The following WDR59 variants were observed in gnomAD, a reference collection of about 807,000 sequenced individuals.
The protein encoded by WDR59 is WD repeat domain 59.
A neutral mutation model predicts 131.2 loss-of-function variants in WDR59; 100 were observed. The ratio of observed to expected loss-of-function variants is 0.76; its 90% confidence interval spans 0.65 to 0.90. The LOEUF (loss-of-function observed/expected upper bound fraction) is 0.90, where lower values mean the gene tolerates loss of function less well. Among genes scored for constraint, WDR59 ranks in the 40% least tolerant of loss-of-function variants. The pLI is 0.00. For synonymous variants in WDR59, 601 were observed against 466.2 expected, an observed-to-expected ratio of 1.29 and a Z score of -3.72; for missense variants, 1,203 against 1,262.2, an observed-to-expected ratio of 0.95 and a Z score of 0.71.
chr16:74,883,495 A>C (rs1027450959), intron 25 of WDR59, among the ~76,000 whole-genome samples: 3 of 152,206 alleles, frequency 2.0e-5, no homozygotes, highest in African/African-American at 7.2e-5. Context: ...TGTTACTGCC[A>C]ACATTACTTC....
intron 1 of WDR59, among the ~76,000 whole-genome samples, chr16:74,971,426 CTTTTTTTTTTTTT>C (rs58120924): frequency 2.2e-5 from 2 of 90,186 alleles, no homozygotes; most frequent in Non-Finnish European, 2.0e-5. Context: ...TCTTTCCTTC[CTTTTTTTTTTTTT>C]TTTTTTTTTT....
intron 18 of WDR59, among the ~76,000 whole-genome samples, chr16:74,899,087 A>G (rs1238766119): frequency 6.6e-6 from 1 of 152,230 alleles, no homozygotes; most frequent in Non-Finnish European, 1.5e-5. Context: ...AGGAAGACAG[A>G]AGAGGGGAAA....
In WDR59 at chr16:74,965,414, A is replaced by C. The variant is rs141870895; in HGVS notation, c.104+359T>G. ...GGGGCTCACAGTTAGTGGCACCGTC[A>C]AACTGGAACTCAGATTCCTTCAATC... is the stretch of plus-strand genomic sequence containing the variant. On this transcript the variant is annotated intron_variant, in intron 2 of 25. Coordinates refer to ENST00000262144, the MANE Select transcript of WDR59 (RefSeq NM_030581.4). Among the ~76,000 whole-genome samples the C allele has an allele frequency of 7.4e-4, 112 of 152,280 alleles. No homozygotes were observed. In the East Asian group the frequency reaches 0.016, roughly 22 times the overall value.
intron 25 of WDR59, among the ~76,000 whole-genome samples, chr16:74,877,084 T>C (rs1316449385): frequency 6.6e-6 from 1 of 152,108 alleles, no homozygotes; most frequent in Non-Finnish European, 1.5e-5. Flanking sequence ...TCAAGATAAT[T>C]GATGTGTTCT....
intron 18 of WDR59, among the ~76,000 whole-genome samples, chr16:74,895,822 G>C (rs1210462744): frequency 1.3e-5 from 2 of 152,208 alleles, no homozygotes; most frequent in Non-Finnish European, 2.9e-5. Flanking sequence ...GAGCCAGGCA[G>C]TGTTACTGAC....
chr16:74,950,735 G>C (rs954307734), intron 4 of WDR59, among the ~76,000 whole-genome samples: 4 of 152,160 alleles, frequency 2.6e-5, no homozygotes, highest in Non-Finnish European at 5.9e-5. Flanking sequence ...TGTGACGCAG[G>C]AGCTCTGTAA....
rs1964422257 is a variant in WDR59 at position 74,880,412 on chromosome 16, A to G, written c.2689+5241T>C. Reference sequence around the variant, plus strand: ...CAGTGAGCCGAGATCGCGCCACTGCACTCCAGCCTGGGGGACAGAGTGAGA... The same window carrying G: ...CAGTGAGCCGAGATCGCGCCACTGCGCTCCAGCCTGGGGGACAGAGTGAGA... On this transcript the variant is annotated intron_variant, in intron 25 of 25. Transcript: ENST00000262144. 2.6e-5 allele frequency among the ~76,000 whole-genome samples: 4 copies of G among 152,054 alleles called. 1 individual carries two copies. Among genetic ancestry groups the G allele is most frequent in the Admixed American group, 6.6e-5 (1 of 15,252 alleles).
In WDR59 at chr16:74,892,418, G is replaced by A. The variant is rs370441210; in HGVS notation, c.2082+66C>T. 3.9e-5 allele frequency: 52 copies of A among 1,321,528 alleles called. No homozygotes were observed. The African/African-American group carries it at 7.4e-4, about 19-fold the overall frequency. The allele number at this position is 1,321,528 out of a possible 1,614,324, so 81.9% of individuals were successfully genotyped here. A position where few individuals can be genotyped will look rare whatever the true frequency, so the allele number is the denominator to read the frequency against. On this transcript the variant is annotated intron_variant, in intron 20 of 25. Coordinates refer to ENST00000262144, the MANE Select transcript of WDR59 (RefSeq NM_030581.4). Reference sequence around the variant, plus strand: ...TTTGAAAATGTCATTAAATGCCAATGACAAAGTAAAAACAATTTGCTCCTG... The same window carrying A: ...TTTGAAAATGTCATTAAATGCCAATAACAAAGTAAAAACAATTTGCTCCTG...
At chr16:74,883,587 G>T (rs1213444952) in intron 25 of WDR59, among the ~76,000 whole-genome samples, 2 of 152,142 alleles carry the variant, frequency 1.3e-5, no homozygotes, top group Admixed American at 6.5e-5. Flanking sequence ...TGTATGTTTA[G>T]TCCACTACAT....
intron 25 of WDR59, among the ~76,000 whole-genome samples, 179 bp downstream of exon 25, chr16:74,885,474 A>AT (rs1964708974): frequency 6.6e-6 from 1 of 150,490 alleles, no homozygotes; most frequent in South Asian, 2.1e-4. Flanking sequence ...AAAAAAAAAA[A>AT]ATTCATCCTG....
intron 4 of WDR59, among the ~76,000 whole-genome samples, chr16:74,950,119 A>AT (rs2032909076): frequency 6.6e-6 from 1 of 152,134 alleles, no homozygotes; most frequent in Non-Finnish European, 1.5e-5. Context: ...AGGCGGGCAG[A>AT]TCACTTGAGG....
chr16:74,956,618 C>T lies in WDR59; in HGVS notation c.105-8G>A, dbSNP rs375317600. 5.6e-6 allele frequency: 9 copies of T among 1,613,384 alleles called. No individual in the cohort carries two copies. The highest frequency in any genetic ancestry group is 6.8e-6 in the Non-Finnish European group (8 of 1,179,788). Reference sequence around the variant, plus strand: ...ATGTATAAGAATCTGCGGCTAGAGACCAACATCAACATTATAATAGTATAA... The same window carrying T: ...ATGTATAAGAATCTGCGGCTAGAGATCAACATCAACATTATAATAGTATAA... On this transcript the variant is annotated splice_polypyrimidine_tract_variant and splice_region_variant and intron_variant, in intron 2 of 25. Coordinates refer to ENST00000262144, the MANE Select transcript of WDR59 (RefSeq NM_030581.4).
At chr16:74,932,442 C>T (rs976084754) in intron 8 of WDR59, among the ~76,000 whole-genome samples, 5 of 148,360 alleles carry the variant, frequency 3.4e-5, no homozygotes, top group Non-Finnish European at 7.4e-5. Flanking sequence ...CACACACACA[C>T]ACACACACAC....
intron 18 of WDR59, among the ~76,000 whole-genome samples, chr16:74,898,589 A>G (rs961156226): frequency 7.9e-5 from 12 of 152,186 alleles, no homozygotes; most frequent in Non-Finnish European, 1.5e-4. Flanking sequence ...CATTGGTGCA[A>G]ATAGCACTGA....
rs1597721255 is a variant in WDR59 at position 74,921,954 on chromosome 16, C to G, written c.879G>C (p.Gln293His). Residue 293 changes from glutamine to histidine, a missense_variant, in exon 10 of 26, where the codon CAG (glutamine) becomes CAC (histidine). Gln to His is a conservative substitution (Grantham distance 24). Transcript: ENST00000262144. ...CAGGCCTCTCCCACTCACCTTCCTT[C>G]TGCTTCCTCCACTGGAACTCCAGGA... ...DVVLEFQWRKQKEGSKDYQLV... is the reference protein window; with the variant it reads ...DVVLEFQWRKHKEGSKDYQLV... 6.2e-7 allele frequency: 1 copy of G among 1,613,932 alleles called. No homozygotes were observed. Among genetic ancestry groups the G allele is most frequent in the Non-Finnish European group, 8.5e-7 (1 of 1,179,944 alleles).
At chr16:74,907,191 TGCTCACACAGTTC>T (rs2053389396) in intron 17 of WDR59, among the ~76,000 whole-genome samples, 1 of 152,228 alleles carries the variant, frequency 6.6e-6, no homozygotes, top group South Asian at 2.1e-4. Flanking sequence ...CAGCAGTGTC[TGCTCACACAGTTC>T]TCTCATCCAG....
At chr16:74,924,651 C>T (rs1002451277) in intron 8 of WDR59, among the ~76,000 whole-genome samples, 1 of 152,184 alleles carries the variant, frequency 6.6e-6, no homozygotes, top group Non-Finnish European at 1.5e-5. Context: ...ATGCTTCTAA[C>T]GTGAGAGACA....
In WDR59 at chr16:74,916,637, T is replaced by C. The variant is rs546689785; in HGVS notation, c.967-378A>G. 3.3e-5 allele frequency among the ~76,000 whole-genome samples: 5 copies of C among 152,272 alleles called. No homozygotes were observed. In the South Asian group the frequency reaches 8.3e-4, roughly 25 times the overall value. ...ACTTTGGGAGGCCGAGGCAGGTGGA[T>C]CACCTGAGGTTAGGAGTTTGAGACC... On this transcript the variant is annotated intron_variant, in intron 11 of 25. Transcript: ENST00000262144.
At chr16:74,902,927 A>T in intron 18 of WDR59, among the ~76,000 whole-genome samples, 1 of 152,142 alleles carries the variant, frequency 6.6e-6, no homozygotes, top group East Asian at 1.9e-4. Context: ...AGAAAAAAAA[A>T]AAAAATCATT....
Sources: allele counts gnomAD v4.1 joint callset (sites outside exome capture counted in the v4.1 genomes callset), GRCh38; gene constraint gnomAD v4.1.1; transcripts MANE v1.5; gene names NCBI Gene and HGNC (gene_info 2026-07-23, HGNC 2026-07-21).